NFIB: variants seen among roughly 807,000 people sequenced by gnomAD.
NFIB encodes nuclear factor I B, also known as nuclear factor 1 B-type.
A neutral mutation model predicts 61.5 loss-of-function variants in NFIB; 11 were observed. The observed-to-expected ratio is 0.18, with a 90% CI of 0.11 to 0.30. The LOEUF (loss-of-function observed/expected upper bound fraction) is 0.30. Among genes scored for constraint, NFIB ranks in the 10% least tolerant of loss-of-function variants. The pLI, the probability that NFIB is intolerant of heterozygous loss-of-function variation, is 1.00. For synonymous variants in NFIB, 260 were observed against 216.5 expected (o/e 1.20, Z -1.76); for missense variants, 471 against 608.9 (o/e 0.77, Z 2.38).
the NFIB span, among the ~76,000 whole-genome samples, chr9:14,511,537 C>G: frequency 1.3e-5 from 2 of 151,722 alleles, no homozygotes; most frequent in Non-Finnish European, 2.9e-5. Flanking sequence ...GAGTTAAGTA[C>G]TCAGTTACTT....
chr9:14,140,202 A>T (rs1358425456), intron 6 of NFIB, among the ~76,000 whole-genome samples: 4 of 152,188 alleles, frequency 2.6e-5, no homozygotes, highest in Admixed American at 2.6e-4. Context: ...TTCTTCCAGT[A>T]TGGTTACTAA....
chr9:14,300,322 C>T (rs756310452), intron 2 of NFIB: 18 of 397,828 alleles, frequency 4.5e-5, no homozygotes, highest in Non-Finnish European at 7.1e-5. Flanking sequence ...AAAATTATTC[C>T]TCCTTCACAA....
chr9:14,199,485 CT>C (rs1724309469), intron 2 of NFIB, among the ~76,000 whole-genome samples: 2 of 152,344 alleles, frequency 1.3e-5, no homozygotes, highest in African/African-American at 2.4e-5. Flanking sequence ...TCCTCCTTTA[CT>C]TTCAAAAACT....
At chr9:14,231,132 AAAAATATATATATATATATAT>A (rs1334489361) in intron 2 of NFIB, among the ~76,000 whole-genome samples, 7 of 93,208 alleles carry the variant, frequency 7.5e-5, no homozygotes, top group African/African-American at 1.7e-4. Flanking sequence ...AAAAAAAAAA[AAAAATATATATATATATATAT>A]ATATATATAT....
the NFIB span, among the ~76,000 whole-genome samples, chr9:14,474,160 T>C: frequency 2.0e-5 from 3 of 152,228 alleles, no homozygotes; most frequent in East Asian, 1.9e-4. Flanking sequence ...GTGGCTTTAA[T>C]AGAATATCAT....
chr9:14,512,933 GA>G, the NFIB span, among the ~76,000 whole-genome samples: 2,499 of 128,664 alleles, frequency 0.019, 46 homozygotes, highest in African/African-American at 0.066. Context: ...CAAAGCTTTT[GA>G]AAAAAAAAAA....
the NFIB span, among the ~76,000 whole-genome samples, chr9:14,463,168 T>G: frequency 6.6e-6 from 1 of 151,266 alleles, no homozygotes; most frequent in Non-Finnish European, 1.5e-5. Flanking sequence ...TATTAATTAA[T>G]TATTTTATTA....
intron 6 of NFIB, among the ~76,000 whole-genome samples, chr9:14,141,902 C>CAAAAAAAAAAAAAA (rs1207435536): frequency 2.8e-4 from 15 of 53,566 alleles, no homozygotes; most frequent in African/African-American, 1.0e-3. Flanking sequence ...CTGCTGCTCA[C>CAAAAAAAAAAAAAA]AAAAAAAAAA....
intron 4 of NFIB, among the ~76,000 whole-genome samples, chr9:14,153,974 G>A (rs2043125957): frequency 6.6e-6 from 1 of 152,066 alleles, no homozygotes; most frequent in African/African-American, 2.4e-5. Context: ...TAATTAATGT[G>A]CTAATTACAA....
intron 6 of NFIB, among the ~76,000 whole-genome samples, chr9:14,134,906 A>AC (rs2130982023): frequency 7.8e-6 from 1 of 127,408 alleles, no homozygotes; most frequent in African/African-American, 2.9e-5. Flanking sequence ...TCAAAAAAAA[A>AC]AAAAAAAAAA....
At chr9:14,467,854 C>G in the NFIB span, among the ~76,000 whole-genome samples, 34 of 152,162 alleles carry the variant, frequency 2.2e-4, no homozygotes, top group East Asian at 6.6e-3. Flanking sequence ...CACTGTTGTC[C>G]CCATTTTACA....
At chr9:14,322,696 A>G (rs1216752624) in intron 1 of NFIB, among the ~76,000 whole-genome samples, 1 of 151,956 alleles carries the variant, frequency 6.6e-6, no homozygotes. Context: ...GCCGCGATGC[A>G]TATTCATCAG....
chr9:14,253,854 C>A (rs1206786910), intron 2 of NFIB, among the ~76,000 whole-genome samples: 1 of 151,998 alleles, frequency 6.6e-6, no homozygotes. Context: ...ATTTTTTTCA[C>A]GTGGCCTCCA....
the NFIB span, among the ~76,000 whole-genome samples, chr9:14,501,988 G>A: frequency 1.3e-5 from 2 of 152,226 alleles, no homozygotes; most frequent in Admixed American, 6.5e-5. Flanking sequence ...TGGCCAGGGA[G>A]AGAAGATTTG....
At chr9:14,346,296 C>CG (rs1054874470) in intron 1 of NFIB, among the ~76,000 whole-genome samples, 6 of 142,630 alleles carry the variant, frequency 4.2e-5, no homozygotes, top group Admixed American at 6.9e-5. Context: ...CGACACCCCC[C>CG]CCCCGTAACC....
At chr9:14,498,785 C>CCTTCCCTT in the NFIB span, among the ~76,000 whole-genome samples, 12 of 71,910 alleles carry the variant, frequency 1.7e-4, no homozygotes, top group African/African-American at 9.1e-4. Context: ...CTCCCTCCCT[C>CCTTCCCTT]CCTCCCTCCC....
intron 2 of NFIB, among the ~76,000 whole-genome samples, chr9:14,217,141 A>T (rs1356336801): frequency 3.3e-5 from 5 of 152,214 alleles, no homozygotes; most frequent in Non-Finnish European, 7.3e-5. Context: ...TTTCCTGATG[A>T]TACTTAAGAA....
chr9:14,302,457 C>T (rs976164154), intron 2 of NFIB, among the ~76,000 whole-genome samples: 44 of 152,078 alleles, frequency 2.9e-4, no homozygotes, highest in Non-Finnish European at 5.0e-4. Flanking sequence ...AAGTGGCCAC[C>T]CAACAAGAGA....
At chr9:14,310,930 C>T (rs1001190225) in intron 1 of NFIB, among the ~76,000 whole-genome samples, 1 of 151,912 alleles carries the variant, frequency 6.6e-6, no homozygotes. Context: ...GTGCTCTTGG[C>T]GCATTGCTAT....
Sources: allele counts gnomAD v4.1 joint callset (sites outside exome capture counted in the v4.1 genomes callset), GRCh38; gene constraint gnomAD v4.1.1; transcripts MANE v1.5; gene names NCBI Gene and HGNC (gene_info 2026-07-23, HGNC 2026-07-21).